SULF1: variants seen among roughly 807,000 people sequenced by gnomAD.
SULF1 encodes sulfatase 1, also known as extracellular sulfatase Sulf-1.
A neutral mutation model predicts 110.5 loss-of-function variants in SULF1; 46 were observed. The ratio of observed to expected loss-of-function variants is 0.42; its 90% confidence interval spans 0.33 to 0.53. The LOEUF (loss-of-function observed/expected upper bound fraction) is 0.53, where lower values mean the gene tolerates loss of function less well. Ranked by LOEUF, SULF1 falls within the 20% of genes least tolerant of loss-of-function variation. The probability of loss-of-function intolerance (pLI) is 0.12; values close to 1 mark genes in which losing one functional copy is unlikely to be tolerated. For missense variants in SULF1, 941 were observed against 1,094.2 expected (o/e 0.86, Z 1.98); for synonymous variants, 371 against 387.1 (o/e 0.96, Z 0.49).
intron 13 of SULF1, among the ~76,000 whole-genome samples, chr8:69,609,796 A>C (rs879764553): frequency 2.0e-5 from 3 of 152,198 alleles, no homozygotes; most frequent in African/African-American, 7.2e-5. Context: ...GCTTATGTTT[A>C]AGTCCCAGCC....
chr8:69,555,731 C>T (rs1242780922), intron 3 of SULF1, among the ~76,000 whole-genome samples: 3 of 151,912 alleles, frequency 2.0e-5, no homozygotes, highest in Non-Finnish European at 2.9e-5. Flanking sequence ...TGTTCCTCTT[C>T]CTACATACGA....
intron 3 of SULF1, among the ~76,000 whole-genome samples, chr8:69,504,986 G>A (rs932337222): frequency 6.6e-6 from 1 of 152,062 alleles, no homozygotes; most frequent in Non-Finnish European, 1.5e-5. Flanking sequence ...TATCATTTGG[G>A]TATAAAGTTC....
At chr8:69,569,686 A>T (rs1374863684) in intron 5 of SULF1, among the ~76,000 whole-genome samples, 1 of 152,156 alleles carries the variant, frequency 6.6e-6, no homozygotes, top group Admixed American at 6.5e-5. Context: ...TACCTTATCT[A>T]TGTAGCCCTG....
chr8:69,487,138 A>G (rs558654557), intron 1 of SULF1, among the ~76,000 whole-genome samples: 1 of 152,218 alleles, frequency 6.6e-6, no homozygotes, highest in Non-Finnish European at 1.5e-5. Flanking sequence ...ACTGCAGGCC[A>G]ATTTATTTGG....
At chr8:69,550,482 T>TTTC (rs913989635) in intron 3 of SULF1, among the ~76,000 whole-genome samples, 2 of 150,986 alleles carry the variant, frequency 1.3e-5, no homozygotes, top group Non-Finnish European at 3.0e-5. Context: ...AAGAAAAAGG[T>TTTC]GGAATGGTGA....
At chr8:69,594,615 G>A (rs1362705306) in intron 8 of SULF1, among the ~76,000 whole-genome samples, 4 of 152,076 alleles carry the variant, frequency 2.6e-5, no homozygotes, top group Admixed American at 2.6e-4. Flanking sequence ...AAGCTGGAAA[G>A]AAATGTCTTG....
chr8:69,628,203 A>C lies in SULF1; in HGVS notation c.2075A>C (p.Gln692Pro). 1 of 1,614,076 alleles carries C rather than the reference A, an allele frequency of 6.2e-7. No homozygotes were observed. Among genetic ancestry groups the C allele is most frequent in the Non-Finnish European group, 8.5e-7 (1 of 1,179,894 alleles). ...AATAAAGAGAAAGGTGTAAAAAAGC[A>C]AGAGAAATTAAAGAGCCATCTTCAC... ...YYNKEKGVKK[Q>P]EKLKSHLHPF... Residue 692 changes from glutamine to proline, a missense_variant, in exon 18 of 23, where the codon CAA (glutamine) becomes CCA (proline). Gln to Pro is a moderately conservative substitution (Grantham distance 76, BLOSUM62 -1). This residue lies in a region of SULF1 where 822 missense variants were observed against 934.3 expected (regional missense o/e 0.88). Transcript: ENST00000402687.
intron 3 of SULF1, among the ~76,000 whole-genome samples, chr8:69,513,291 G>A (rs983588194): frequency 6.6e-6 from 1 of 152,142 alleles, no homozygotes; most frequent in African/African-American, 2.4e-5. Flanking sequence ...TTGCTTATGT[G>A]TTTGAATATC....
chr8:69,606,896 G>T (rs1331418884), intron 13 of SULF1, among the ~76,000 whole-genome samples: 1 of 152,142 alleles, frequency 6.6e-6, no homozygotes, highest in African/African-American at 2.4e-5. Flanking sequence ...TTTTAGAAAG[G>T]CCTGAATTCG....
At chr8:69,611,936 G>A (rs1204271027) in intron 13 of SULF1, among the ~76,000 whole-genome samples, 1 of 151,912 alleles carries the variant, frequency 6.6e-6, no homozygotes, top group African/African-American at 2.4e-5. Flanking sequence ...TGAGATTTTA[G>A]TGCACCCATC....
rs74491616 is a variant in SULF1 at position 69,549,283 on chromosome 8, G to A, written c.-133-14256G>A. Reference sequence around the variant, plus strand: ...AAAGATTTCCTTGTGCAAATTCCGTGTGCTTTAAAATATTTTATTTTTATT... The same window carrying A: ...AAAGATTTCCTTGTGCAAATTCCGTATGCTTTAAAATATTTTATTTTTATT... On this transcript the variant is annotated intron_variant, in intron 3 of 22. Transcript: ENST00000402687. 7.7e-4 allele frequency among the ~76,000 whole-genome samples: 118 copies of A among 152,262 alleles called. 1 individual carries two copies. Among genetic ancestry groups the A allele is most frequent in the African/African-American group, 2.7e-3 (114 of 41,552 alleles).
chr8:69,569,122 A>C (rs188771310), intron 5 of SULF1, among the ~76,000 whole-genome samples: 1 of 152,296 alleles, frequency 6.6e-6, no homozygotes, highest in East Asian at 1.9e-4. Context: ...CTGACTCAAC[A>C]TGGCATTTCT....
intron 22 of SULF1, among the ~76,000 whole-genome samples, chr8:69,643,791 G>A (rs1483884555): frequency 6.6e-6 from 1 of 152,178 alleles, no homozygotes; most frequent in Non-Finnish European, 1.5e-5. Context: ...AAGCTCAAAG[G>A]GAGAGCACAG....
chr8:69,581,885 C>G (rs1276381688), intron 6 of SULF1, among the ~76,000 whole-genome samples: 1 of 152,036 alleles, frequency 6.6e-6, no homozygotes, highest in Admixed American at 6.5e-5. Context: ...CACCCAAGGC[C>G]CCCATCAGCC....
At chr8:69,655,307 C>G (rs1021451926) in intron 22 of SULF1, among the ~76,000 whole-genome samples, 1 of 152,176 alleles carries the variant, frequency 6.6e-6, no homozygotes, top group Non-Finnish European at 1.5e-5. Flanking sequence ...GGCTGCAGCA[C>G]CACCCCCCAT....
chr8:69,603,427 A>G, intron 11 of SULF1, 107 bp downstream of exon 11: 1 of 1,550,312 alleles, frequency 6.5e-7, no homozygotes. Flanking sequence ...TGCCTTGCCC[A>G]CAAGGATCAC....
In SULF1 at chr8:69,600,629, A is replaced by C. The variant is rs1281069419; in HGVS notation, c.761A>C (p.Asn254Thr). The change falls in exon 9 of 23, where the codon AAT becomes ACT. Residue 254 changes from asparagine to threonine, a missense_variant. Physicochemically the swap from Asn to Thr is moderately conservative, Grantham distance 65. This residue lies in a region of SULF1 where 822 missense variants were observed against 934.3 expected (regional missense o/e 0.88). Transcript: ENST00000402687. ...HITPSYNYAP[N>T]MDKHWIMQYT... The stretch of plus-strand genomic sequence containing the variant: ...ACTCCTAGTTATAACTATGCACCAA[A>C]TATGGATAAACACTGGATTATGCAG... 6.2e-7 allele frequency: 1 copy of C among 1,613,300 alleles called. No homozygotes were observed. Among genetic ancestry groups the C allele is most frequent in the South Asian group, 1.1e-5 (1 of 90,888 alleles).
chr8:69,606,285 A>C (rs1808215992), intron 13 of SULF1, among the ~76,000 whole-genome samples: 1 of 152,188 alleles, frequency 6.6e-6, no homozygotes, highest in Non-Finnish European at 1.5e-5. Context: ...ACTACATTCT[A>C]GTACATCTTA....
rs117739710 is a variant in SULF1, at chr8:69,521,692, C to T, written c.-134+19724C>T. 5.1e-4 allele frequency among the ~76,000 whole-genome samples: 77 copies of T among 152,092 alleles called. No homozygotes were observed. In the East Asian group the frequency reaches 0.012, roughly 23 times the overall value. ...ATAGGCTAACACATTACCTGGAGGC[C>T]ATGGGAAGGATTTTGGCTATTTCTC... is the stretch of plus-strand genomic sequence containing the variant. On this transcript the variant is annotated intron_variant, in intron 3 of 22. Transcript: ENST00000402687.
Sources: gnomAD v4.1 joint callset for allele counts (sites outside exome capture counted in the v4.1 genomes callset) on GRCh38, gnomAD v4.1.1 for gene constraint, gnomAD v4.1.1 regional missense constraint, MANE v1.5 for transcripts, NCBI Gene and HGNC (gene_info 2026-07-23, HGNC 2026-07-21) for gene names.